Variants in CARMIL1 observed in about 807,000 individuals in gnomAD.
CARMIL1 encodes the protein F-actin-uncapping protein LRRC16A.
CARMIL1 carries 90 observed loss-of-function variants against 177.1 expected under a neutral mutation model. The observed-to-expected ratio is 0.51, with a 90% CI of 0.43 to 0.61. The LOEUF is 0.61. Among genes scored for constraint, CARMIL1 ranks in the 20% least tolerant of loss-of-function variants. The pLI is 0.00. For synonymous variants in CARMIL1, 577 were observed against 606.2 expected, an observed-to-expected ratio of 0.95 and a Z score of 0.71; for missense variants, 1,380 against 1,667.0, an observed-to-expected ratio of 0.83 and a Z score of 3.00.
intron 11 of CARMIL1, among the ~76,000 whole-genome samples, chr6:25,481,413 C>T (rs931137066): frequency 6.6e-6 from 1 of 152,146 alleles, no homozygotes; most frequent in African/African-American, 2.4e-5. Flanking sequence ...AGGGCAGCAA[C>T]CAGCACAGTA....
intron 2 of CARMIL1, among the ~76,000 whole-genome samples, chr6:25,315,189 C>T (rs761660621): frequency 2.0e-5 from 3 of 152,194 alleles, no homozygotes; most frequent in Non-Finnish European, 2.9e-5. Context: ...GGCTCTATGT[C>T]TTAGATTATA....
intron 36 of CARMIL1, among the ~76,000 whole-genome samples, chr6:25,617,320 T>C (rs1562347578): frequency 1.3e-5 from 2 of 152,218 alleles, no homozygotes; most frequent in Admixed American, 6.5e-5. Flanking sequence ...TAAACATTTT[T>C]GGTTTCTTGA....
intron 11 of CARMIL1, among the ~76,000 whole-genome samples, chr6:25,473,993 A>G (rs1024750273): frequency 6.6e-6 from 1 of 152,200 alleles, no homozygotes; most frequent in African/African-American, 2.4e-5. Flanking sequence ...ACAAGGTTTA[A>G]GAAGGAATTG....
intron 2 of CARMIL1, among the ~76,000 whole-genome samples, chr6:25,390,014 T>C (rs2150526911): frequency 6.6e-6 from 1 of 152,250 alleles, no homozygotes; most frequent in African/African-American, 2.4e-5. Flanking sequence ...TTTTAAAACA[T>C]TGCAAAAGTG....
chr6:25,520,339 T>C lies in CARMIL1; in HGVS notation c.1968+2T>C. 1 of 1,499,192 alleles carries C rather than the reference T, an allele frequency of 6.7e-7. No individual in the cohort carries two copies. Among genetic ancestry groups the C allele is most frequent in the Non-Finnish European group, 9.1e-7 (1 of 1,101,878 alleles). 92.9% of individuals were successfully genotyped at this position (1,499,192 alleles called of 1,614,324 possible). On this transcript the variant is annotated splice_donor_variant, in intron 23 of 36. Coordinates refer to ENST00000329474, the MANE Select transcript of CARMIL1 (RefSeq NM_017640.6). LOFTEE classifies it high-confidence loss of function. ...AAAACAGAAGACGCTCTGCAAAAGG[T>C]ATTAAAGAATCAGTAGCTTAATTAC... is the stretch of plus-strand genomic sequence containing the variant.
intron 2 of CARMIL1, among the ~76,000 whole-genome samples, chr6:25,408,292 T>TA (rs1166997029): frequency 0.019 from 1,805 of 96,498 alleles, 28 homozygotes; most frequent in African/African-American, 0.044. Flanking sequence ...TCTCTTAAAA[T>TA]AAAAAAAAAA....
intron 2 of CARMIL1, among the ~76,000 whole-genome samples, chr6:25,341,161 C>T (rs541195522): frequency 1.6e-3 from 196 of 119,616 alleles, no homozygotes; most frequent in East Asian, 0.011. Context: ...GAGGCGTAAA[C>T]GGGAGGCTTT....
chr6:25,542,578 C>T (rs1337561060), intron 26 of CARMIL1, among the ~76,000 whole-genome samples: 1 of 152,126 alleles, frequency 6.6e-6, no homozygotes, highest in Non-Finnish European at 1.5e-5. Flanking sequence ...TCCCTACTCA[C>T]TTGTTTTTAT....
intron 8 of CARMIL1, chr6:25,452,434 G>A (rs192713668): frequency 3.8e-6 from 2 of 523,642 alleles, no homozygotes; most frequent in Admixed American, 6.8e-5. Flanking sequence ...GTCCTCCAGT[G>A]TTTGGTCTCA....
rs1047101298 is a variant in CARMIL1, at chr6:25,465,702, A to G, written c.615-171A>G. ...AGACAATTTACTTCAACTTTTGGGAACTTTGAAGATCAGTCTTTGAGAACT... is the reference window on the plus strand; with the variant it reads ...AGACAATTTACTTCAACTTTTGGGAGCTTTGAAGATCAGTCTTTGAGAACT... On this transcript the variant is annotated intron_variant, in intron 8 of 36. Coordinates refer to ENST00000329474, the MANE Select transcript of CARMIL1 (RefSeq NM_017640.6). 1.4e-5 allele frequency: 8 copies of G among 574,984 alleles called. No homozygotes were observed. The African/African-American group carries it at 1.5e-4, about 11-fold the overall frequency. 35.6% of individuals were successfully genotyped at this position (574,984 alleles called of 1,614,324 possible). A position where few individuals can be genotyped will look rare whatever the true frequency, so the allele number is the denominator to read the frequency against.
At chr6:25,530,587 T>G (rs1807659878) in intron 24 of CARMIL1, among the ~76,000 whole-genome samples, 1 of 152,180 alleles carries the variant, frequency 6.6e-6, no homozygotes, top group Non-Finnish European at 1.5e-5. Context: ...CGAGGTAATG[T>G]CTTCTTCCTC....
chr6:25,480,077 A>G (rs1801943831), intron 11 of CARMIL1, among the ~76,000 whole-genome samples: 1 of 152,120 alleles, frequency 6.6e-6, no homozygotes, highest in Non-Finnish European at 1.5e-5. Flanking sequence ...GACTTTCTTT[A>G]TGGCTCAGTA....
intron 2 of CARMIL1, among the ~76,000 whole-genome samples, chr6:25,349,970 G>A (rs1374164876): frequency 6.6e-6 from 1 of 151,864 alleles, no homozygotes; most frequent in Non-Finnish European, 1.5e-5. Context: ...CTCGTGATCC[G>A]CCCGCCTTAG....
chr6:25,311,662 C>T (rs1783830226), intron 2 of CARMIL1, among the ~76,000 whole-genome samples: 1 of 151,806 alleles, frequency 6.6e-6, no homozygotes, highest in Non-Finnish European at 1.5e-5. Context: ...TTGTGAAAAG[C>T]TGTAAATCAT....
Position 25,517,383 on chromosome 6 carries a change from A to G in CARMIL1, c.1842A>G (p.Gln614=). Residue 614 remains glutamine, a synonymous_variant, in exon 22 of 37, where the codon CAA becomes CAG. Coordinates refer to ENST00000329474, the MANE Select transcript of CARMIL1 (RefSeq NM_017640.6). The part of the protein sequence containing the change: ...VIWDKNNITA[Q]GFQDIAVAME... Reference sequence around the variant, plus strand: ...GGGACAAGAACAACATCACTGCACAAGGCTTTCAGGATATAGCTGTTGCTA... The same window carrying G: ...GGGACAAGAACAACATCACTGCACAGGGCTTTCAGGATATAGCTGTTGCTA... 1.9e-6 allele frequency: 3 copies of G among 1,613,498 alleles called. No homozygotes were observed. The highest frequency in any genetic ancestry group is 1.7e-6 in the Non-Finnish European group (2 of 1,179,682).
intron 2 of CARMIL1, among the ~76,000 whole-genome samples, chr6:25,332,742 T>C (rs866546892): frequency 7.8e-5 from 11 of 140,160 alleles, no homozygotes; most frequent in Middle Eastern, 3.5e-3. Context: ...CAAACATGCA[T>C]ACACACACAC....
chr6:25,577,234 G>A lies in CARMIL1; in HGVS notation c.2743-3690G>A, dbSNP rs1241289352. The A allele has an allele frequency of 2.0e-6, 1 of 493,008 alleles. No individual in the cohort carries two copies. The highest frequency in any genetic ancestry group is 2.1e-5 in the African/African-American group (1 of 47,692). The allele number at this position is 493,008 out of a possible 1,614,324, so 30.5% of individuals were successfully genotyped here. On this transcript the variant is annotated intron_variant, in intron 29 of 36. Coordinates refer to ENST00000329474, the MANE Select transcript of CARMIL1 (RefSeq NM_017640.6). The surrounding 1 kb of genome is among the most constrained non-coding windows in gnomAD (Gnocchi z 4.5). ...AGCCATGTGCCTGAAAGCAAGCAGA[G>A]TGTTGATGAAGAGGATACAAACATT... is the stretch of plus-strand genomic sequence containing the variant.
intron 2 of CARMIL1, among the ~76,000 whole-genome samples, chr6:25,287,745 C>T (rs187320573): frequency 2.2e-4 from 33 of 152,296 alleles, no homozygotes; most frequent in Non-Finnish European, 8.8e-5. Flanking sequence ...AGCTGGGATT[C>T]GAACCCAGCT....
intron 25 of CARMIL1, 145 bp downstream of exon 25, chr6:25,538,128 C>T (rs969322776): frequency 1.2e-5 from 10 of 841,312 alleles, no homozygotes; most frequent in East Asian, 2.7e-5. Context: ...TTAGCCTTGA[C>T]CTCCTTTCTG....
Sources: allele counts gnomAD v4.1 joint callset (sites outside exome capture counted in the v4.1 genomes callset), GRCh38; gene constraint gnomAD v4.1.1; non-coding constraint Gnocchi (gnomAD v3.1); transcripts MANE v1.5; gene names NCBI Gene and HGNC (gene_info 2026-07-23, HGNC 2026-07-21).